Variants in DLGAP2 observed in about 807,000 individuals in gnomAD.
DLGAP2 encodes DLG associated protein 2, also known as disks large-associated protein 2.
DLGAP2 carries 26 observed loss-of-function variants against 100.3 expected under a neutral mutation model. The ratio of observed to expected loss-of-function variants is 0.26; its 90% CI spans 0.19 to 0.36. The LOEUF is 0.36. Among genes scored for constraint, DLGAP2 ranks in the 10% least tolerant of loss-of-function variants. DLGAP2 has a pLI of 1.00. For synonymous variants in DLGAP2, 886 were observed against 630.1 expected (o/e 1.41, Z -6.08); for missense variants, 1,858 against 1,453.2 (o/e 1.28, Z -4.53).
In DLGAP2 at chr8:800,734, A is replaced by G. The variant is rs190501325; in HGVS notation, c.18+62909A>G. ...TGTGTGTCCATGGGTGTTTGTGTGT[A>G]TGTGTATGTGCATGTGTGCATGTGT... On this transcript the variant is annotated intron_variant, in intron 1 of 14. Coordinates refer to ENST00000637795, the MANE Select transcript of DLGAP2 (RefSeq NM_001346810.2). Among the ~76,000 whole-genome samples, 10 of 151,904 alleles carry G rather than the reference A, an allele frequency of 6.6e-5. No homozygotes were observed. The East Asian group carries it at 1.7e-3, about 26-fold the overall frequency.
At chr8:1,223,039 T>C (rs1798346888) in intron 2 of DLGAP2, among the ~76,000 whole-genome samples, 3 of 152,170 alleles carry the variant, frequency 2.0e-5, no homozygotes. Flanking sequence ...GTCTGCCAAC[T>C]CCTTGGGCAC....
At chr8:1,608,928 AGTGATGGG>A (rs1242588061) in intron 6 of DLGAP2, among the ~76,000 whole-genome samples, 2 of 152,068 alleles carry the variant, frequency 1.3e-5, no homozygotes, top group Non-Finnish European at 2.9e-5. Context: ...TGTACCTGAA[AGTGATGGG>A]GCGAATGGAA....
At chr8:1,512,716 G>A (rs1263143081) in intron 4 of DLGAP2, among the ~76,000 whole-genome samples, 1 of 152,248 alleles carries the variant, frequency 6.6e-6, no homozygotes, top group Non-Finnish European at 1.5e-5. Context: ...ACCCCAGCTC[G>A]CTGTGTCCAT....
chr8:922,522 C>T (rs960483941), intron 2 of DLGAP2, among the ~76,000 whole-genome samples: 2 of 152,174 alleles, frequency 1.3e-5, no homozygotes, highest in South Asian at 4.1e-4. Flanking sequence ...TTGATGAAAA[C>T]TGTTGTTTGT....
chr8:1,501,472 C>G (rs990778883), intron 4 of DLGAP2, 41 bp downstream of exon 4: 8 of 1,527,212 alleles, frequency 5.2e-6, no homozygotes, highest in East Asian at 2.4e-5. Flanking sequence ...GGGGCCCGGA[C>G]AGAACCGGGC....
chr8:1,435,265 A>T (rs1041183189), intron 3 of DLGAP2, among the ~76,000 whole-genome samples: 5 of 152,220 alleles, frequency 3.3e-5, no homozygotes, highest in African/African-American at 1.2e-4. Flanking sequence ...CCTTTTTGTA[A>T]GAATAAATGT....
At chr8:1,651,099 C>G (rs966488000) in intron 8 of DLGAP2, among the ~76,000 whole-genome samples, 1 of 152,136 alleles carries the variant, frequency 6.6e-6, no homozygotes, top group Non-Finnish European at 1.5e-5. Flanking sequence ...CTTTCTCAAA[C>G]GTACCATCCA....
In DLGAP2 at chr8:1,549,689, C is replaced by G. The variant is rs969761435; in HGVS notation, c.1230+6C>G. ...GGCCGTGCCACTACCTCCAGGTAAG[C>G]AGGCTCACGGCCCTGTGGAGGCCGT... On this transcript the variant is annotated splice_donor_region_variant and intron_variant, in intron 5 of 14. Coordinates refer to ENST00000637795, the MANE Select transcript of DLGAP2 (RefSeq NM_001346810.2). 1 of 1,539,424 alleles carries G rather than the reference C, an allele frequency of 6.5e-7. No individual in the cohort carries two copies. The highest frequency in any genetic ancestry group is 8.8e-7 in the Non-Finnish European group (1 of 1,141,078).
intron 5 of DLGAP2, among the ~76,000 whole-genome samples, chr8:1,555,290 T>G (rs1298109055): frequency 1.1e-4 from 17 of 152,090 alleles, no homozygotes; most frequent in Admixed American, 1.0e-3. Context: ...GCCCCATCCA[T>G]CCAGTGTGAG....
chr8:1,455,549 G>C (rs1407051545), intron 3 of DLGAP2, among the ~76,000 whole-genome samples: 1 of 152,244 alleles, frequency 6.6e-6, no homozygotes, highest in Non-Finnish European at 1.5e-5. Flanking sequence ...CTGACACACA[G>C]AGGCTTGCCA....
chr8:1,448,350 T>C (rs1446011524), intron 3 of DLGAP2, among the ~76,000 whole-genome samples: 1 of 152,220 alleles, frequency 6.6e-6, no homozygotes, highest in Non-Finnish European at 1.5e-5. Flanking sequence ...ATGTACCTAG[T>C]AGTCATTCAG....
At chr8:890,136 A>G (rs4735824) in intron 1 of DLGAP2, among the ~76,000 whole-genome samples, 77,130 of 151,912 alleles carry the variant, frequency 0.51, 19,980 homozygotes, top group Admixed American at 0.64. Flanking sequence ...AAGGATTCAC[A>G]TGCTTATTTT....
chr8:975,662 A>G (rs571751464), intron 2 of DLGAP2, among the ~76,000 whole-genome samples: 1 of 152,232 alleles, frequency 6.6e-6, no homozygotes. Context: ...CAGCAAAAGC[A>G]TTTGCCAAAA....
intron 2 of DLGAP2, among the ~76,000 whole-genome samples, chr8:1,108,821 T>C (rs1385225806): frequency 2.3e-5 from 3 of 131,352 alleles, no homozygotes; most frequent in Non-Finnish European, 4.8e-5. Context: ...CTATGAGGTG[T>C]GCATGTGCCT....
At chr8:1,089,916 C>A (rs1804115307) in intron 2 of DLGAP2, among the ~76,000 whole-genome samples, 1 of 152,204 alleles carries the variant, frequency 6.6e-6, no homozygotes, top group African/African-American at 2.4e-5. Context: ...CTGTGCAAAT[C>A]CACTGCTTGG....
At chr8:1,183,157 G>T (rs17065750) in intron 2 of DLGAP2, among the ~76,000 whole-genome samples, 1 of 151,870 alleles carries the variant, frequency 6.6e-6, no homozygotes, top group South Asian at 2.1e-4. Context: ...CAAGGAGCTA[G>T]GTAAGGACAC....
intron 3 of DLGAP2, among the ~76,000 whole-genome samples, chr8:1,303,402 CAAAAAAAAAAAAA>C (rs374350701): frequency 3.2e-5 from 4 of 125,308 alleles, no homozygotes; most frequent in African/African-American, 1.1e-4. Flanking sequence ...GTCTCAAAAA[CAAAAAAAAAAAAA>C]AAAAAAAAAA....
chr8:876,614 ACT>A (rs1797690696), intron 1 of DLGAP2, among the ~76,000 whole-genome samples: 1 of 151,388 alleles, frequency 6.6e-6, no homozygotes, highest in Non-Finnish European at 1.5e-5. Context: ...TCTGTTTGTA[ACT>A]CTCTTTGCTT....
chr8:1,176,789 C>T (rs537005248), intron 2 of DLGAP2, among the ~76,000 whole-genome samples: 28 of 152,260 alleles, frequency 1.8e-4, no homozygotes, highest in Admixed American at 1.2e-3. Context: ...AAAGAGGTCT[C>T]GGTTGGAGGC....
Sources: gnomAD v4.1 joint callset for allele counts (sites outside exome capture counted in the v4.1 genomes callset) on GRCh38, gnomAD v4.1.1 for gene constraint, MANE v1.5 for transcripts, NCBI Gene and HGNC (gene_info 2026-07-23, HGNC 2026-07-21) for gene names.